The following GNG2 variants were observed in gnomAD, a reference collection of about 807,000 sequenced individuals.
GNG2 encodes guanine nucleotide-binding protein G(I)/G(S)/G(O) subunit gamma-2.
In GNG2, 5 loss-of-function variants were observed where a neutral mutation model predicts 5.5. The observed-to-expected ratio is 0.91, with a 90% CI of 0.48 to 1.92. The LOEUF is 1.92. Ranked by LOEUF, GNG2 falls within the 30% of genes most tolerant of loss-of-function variation. The pLI is 0.01. For missense variants in GNG2, 55 were observed against 88.4 expected, an observed-to-expected ratio of 0.62 and a Z score of 1.52; for synonymous variants, 28 against 32.0, an observed-to-expected ratio of 0.88 and a Z score of 0.42.
intron 2 of GNG2, among the ~76,000 whole-genome samples, chr14:51,879,894 TG>T (rs1440800465): frequency 6.6e-6 from 1 of 152,212 alleles, no homozygotes; most frequent in Non-Finnish European, 1.5e-5. Flanking sequence ...TGAACATATT[TG>T]GGGCCTATTA....
At chr14:51,944,223 G>T (rs1005643167) in intron 2 of GNG2, among the ~76,000 whole-genome samples, 2 of 151,280 alleles carry the variant, frequency 1.3e-5, no homozygotes, top group African/African-American at 4.9e-5. Context: ...AAAAAAAAAT[G>T]CAATTGACAA....
At chr14:51,867,027 G>C (rs1594853223) in intron 1 of GNG2, among the ~76,000 whole-genome samples, 2 of 151,954 alleles carry the variant, frequency 1.3e-5, no homozygotes, top group East Asian at 3.9e-4. Context: ...TCTCTTTCTT[G>C]GTCCTTTCCT....
intron 2 of GNG2, among the ~76,000 whole-genome samples, chr14:51,915,858 A>G (rs1886589660): frequency 6.6e-6 from 1 of 152,248 alleles, no homozygotes; most frequent in Non-Finnish European, 1.5e-5. Flanking sequence ...AGACAAAGAC[A>G]CACTGCAGAA....
In GNG2 at chr14:51,841,525, GAA is replaced by G. The variant is rs1367436881; in HGVS notation, c.64+13721_64+13722del. Reference sequence around the variant, plus strand: ...TTACAGACAAGAATCCCAGAGCATAGAAAAGTCACACAGCTAATTAAGTGTTG... The same window carrying G: ...TTACAGACAAGAATCCCAGAGCATAGAAGTCACACAGCTAATTAAGTGTTG... On this transcript the variant is annotated intron_variant, in intron 2 of 3. Coordinates refer to the GNG2 transcript ENST00000553432. The G allele has an allele frequency of 1.0e-5, 7 of 701,908 alleles. No individual in the cohort carries two copies. The African/African-American group carries it at 1.2e-4, about 12-fold the overall frequency. The allele number at this position is 701,908 out of a possible 1,614,324, so 43.5% of individuals were successfully genotyped here. A position where few individuals can be genotyped will look rare whatever the true frequency, so the allele number is the denominator to read the frequency against.
chr14:51,883,818 T>C (rs1195229497), intron 2 of GNG2, among the ~76,000 whole-genome samples: 1 of 152,192 alleles, frequency 6.6e-6, no homozygotes, highest in African/African-American at 2.4e-5. Context: ...TGCTATATAC[T>C]GTATACTATA....
intron 2 of GNG2, among the ~76,000 whole-genome samples, chr14:51,846,741 TC>T (rs1881639059): frequency 6.6e-6 from 1 of 152,136 alleles, no homozygotes; most frequent in African/African-American, 2.4e-5. Context: ...AAAAGGGATT[TC>T]CCCTTTTTCC....
intron 2 of GNG2, among the ~76,000 whole-genome samples, chr14:51,844,690 C>A (rs1467960361): frequency 1.3e-5 from 2 of 152,168 alleles, no homozygotes; most frequent in Non-Finnish European, 1.5e-5. Context: ...GGAGGCACCA[C>A]ACCATGGCCT....
rs1881183342 is a variant in GNG2 at position 51,831,388 on chromosome 14, A to C, written c.64+3581A>C. 2.0e-5 allele frequency among the ~76,000 whole-genome samples: 3 copies of C among 152,372 alleles called. No individual in the cohort carries two copies. In the South Asian group the frequency reaches 6.2e-4, roughly 32 times the overall value. On this transcript the variant is annotated intron_variant, in intron 2 of 3. Coordinates refer to the GNG2 transcript ENST00000553432. ...CTGTATAGATCACTGCATAGTCCCCAGTACTTAGAACAATGTCTGGCACAT... is the reference window on the plus strand; with the variant it reads ...CTGTATAGATCACTGCATAGTCCCCCGTACTTAGAACAATGTCTGGCACAT...
chr14:51,942,964 T>C (rs1888431593), intron 2 of GNG2, among the ~76,000 whole-genome samples: 1 of 152,112 alleles, frequency 6.6e-6, no homozygotes, highest in Non-Finnish European at 1.5e-5. Context: ...CCCCAGCTGA[T>C]TTCCAGAAAT....
chr14:51,894,771 G>A (rs755502771), intron 2 of GNG2, among the ~76,000 whole-genome samples: 3 of 151,860 alleles, frequency 2.0e-5, no homozygotes, highest in Admixed American at 6.6e-5. Context: ...GAATTTTATC[G>A]TTAGTTTAAC....
intron 3 of GNG2, among the ~76,000 whole-genome samples, chr14:51,955,741 T>C (rs1369179101): frequency 6.6e-6 from 1 of 152,246 alleles, no homozygotes; most frequent in Non-Finnish European, 1.5e-5. Flanking sequence ...GAAAGATAAA[T>C]TGTTTCATAT....
chr14:51,938,505 T>G (rs7154419), intron 2 of GNG2, among the ~76,000 whole-genome samples: 13,805 of 152,240 alleles, frequency 0.091, 1,257 homozygotes, highest in East Asian at 0.41. Context: ...ATAGTTGTTA[T>G]CCCCACTTTA....
chr14:51,951,105 G>T (rs1888951210), intron 3 of GNG2, among the ~76,000 whole-genome samples: 1 of 152,008 alleles, frequency 6.6e-6, no homozygotes, highest in East Asian at 1.9e-4. Context: ...TTTCTTATTT[G>T]GTTTTTAATT....
At position 51,881,724 on chromosome 14, in the gene GNG2, T is replaced by TTA. The variant is rs1555351101; in HGVS notation, c.-30+4067_-30+4068insTA. Among the ~76,000 whole-genome samples, 10 of 143,344 alleles carry TTA rather than the reference T, an allele frequency of 7.0e-5. No individual in the cohort carries two copies. In the East Asian group the frequency reaches 1.0e-3, roughly 15 times the overall value. 94.0% of individuals were successfully genotyped at this position (143,344 alleles called of 152,430 possible). Reference sequence around the variant, plus strand: ...GACTTTTTTTTTTTTTTTTTTTTTTTAACGTATTTAATAGTTTCCTGTCTT... The same window carrying TTA: ...GACTTTTTTTTTTTTTTTTTTTTTTTTAAACGTATTTAATAGTTTCCTGTCTT... On this transcript the variant is annotated intron_variant, in intron 2 of 3. Coordinates refer to ENST00000556766, the MANE Select transcript of GNG2 (RefSeq NM_053064.5).
At chr14:51,868,379 A>G (rs1274285338) in intron 1 of GNG2, among the ~76,000 whole-genome samples, 3 of 152,184 alleles carry the variant, frequency 2.0e-5, no homozygotes, top group African/African-American at 4.8e-5. Context: ...ATCAGAATCA[A>G]CCAGGATTGG....
At position 51,967,418 on chromosome 14, in the gene GNG2, G is replaced by C. The variant is rs1889990220; in HGVS notation, c.*731G>C. 6.6e-6 allele frequency: 1 copy of C among 152,066 alleles called. No homozygotes were observed. Among genetic ancestry groups the C allele is most frequent in the South Asian group, 2.1e-4 (1 of 4,822 alleles). 9.4% of individuals were successfully genotyped at this position (152,066 alleles called of 1,614,324 possible). ...AAAAGTAAATCCTGTGTTGTGACTG[G>C]TGCTTTCATATATTTGTGACAATTT... On this transcript the variant is annotated 3_prime_UTR_variant, in exon 4 of 4. Transcript: ENST00000556766.
At chr14:51,919,594 G>A (rs1052246859) in intron 2 of GNG2, among the ~76,000 whole-genome samples, 1 of 152,050 alleles carries the variant, frequency 6.6e-6, no homozygotes, top group Non-Finnish European at 1.5e-5. Flanking sequence ...TGATGATTAC[G>A]GTTTGACAAC....
rs1442169703 is a variant in GNG2 at position 51,968,024 on chromosome 14, C to G, written c.*1337C>G. On this transcript the variant is annotated 3_prime_UTR_variant, in exon 4 of 4. Coordinates refer to ENST00000556766, the MANE Select transcript of GNG2 (RefSeq NM_053064.5). ...GGAAGAGTTCTGGCTCTTTTGTCCA[C>G]TGAGATGGTCTTGGTTTTTCACTTA... is the stretch of plus-strand genomic sequence containing the variant. 2 of 152,198 alleles carry G rather than the reference C, an allele frequency of 1.3e-5. No homozygotes were observed. Among genetic ancestry groups the G allele is most frequent in the African/African-American group, 4.8e-5 (2 of 41,438 alleles). The allele number at this position is 152,198 out of a possible 1,614,324, so 9.4% of individuals were successfully genotyped here. A position where few individuals can be genotyped will look rare whatever the true frequency, so the allele number is the denominator to read the frequency against.
At chr14:51,903,082 T>G (rs1212747915) in intron 2 of GNG2, among the ~76,000 whole-genome samples, 1 of 152,104 alleles carries the variant, frequency 6.6e-6, no homozygotes, top group Admixed American at 6.5e-5. Context: ...GTAAAGAAAA[T>G]GAAAACTTTC....
Sources: gnomAD v4.1 joint callset for allele counts (sites outside exome capture counted in the v4.1 genomes callset) on GRCh38, gnomAD v4.1.1 for gene constraint, MANE v1.5 for transcripts, NCBI Gene and HGNC (gene_info 2026-07-23, HGNC 2026-07-21) for gene names.